The following NEGR1 variants were observed in gnomAD, a reference collection of about 807,000 sequenced individuals.
The protein encoded by NEGR1 is neuronal growth regulator 1.
A neutral mutation model predicts 40.9 loss-of-function variants in NEGR1; 10 were observed. That is an observed-to-expected ratio of 0.24 (90% CI 0.15 to 0.42). The LOEUF (loss-of-function observed/expected upper bound fraction) is 0.42. Among genes scored for constraint, NEGR1 ranks in the 10% least tolerant of loss-of-function variants. The pLI, the probability that NEGR1 is intolerant of heterozygous loss-of-function variation, is 1.00. For synonymous variants in NEGR1, 185 were observed against 166.8 expected, an observed-to-expected ratio of 1.11 and a Z score of -0.84; for missense variants, 352 against 438.9, an observed-to-expected ratio of 0.80 and a Z score of 1.77.
At chr1:72,191,690 T>C (rs1652825112) in intron 1 of NEGR1, among the ~76,000 whole-genome samples, 1 of 151,896 alleles carries the variant, frequency 6.6e-6, no homozygotes, top group Non-Finnish European at 1.5e-5. Context: ...TTTTTCACAA[T>C]GCATATCAAA....
intron 3 of NEGR1, among the ~76,000 whole-genome samples, chr1:71,758,938 A>C (rs2101696901): frequency 6.6e-6 from 1 of 152,300 alleles, no homozygotes; most frequent in South Asian, 2.1e-4. Flanking sequence ...TTATACCTCC[A>C]TTGACTATGG....
intron 6 of NEGR1, among the ~76,000 whole-genome samples, chr1:71,513,867 G>GCC (rs1162357861): frequency 6.7e-5 from 10 of 149,266 alleles, no homozygotes; most frequent in African/African-American, 2.5e-4. Flanking sequence ...GTGTGTGTGC[G>GCC]CACCGTGCGC....
At chr1:72,054,024 T>C (rs1035627395) in intron 1 of NEGR1, among the ~76,000 whole-genome samples, 1 of 151,250 alleles carries the variant, frequency 6.6e-6, no homozygotes, top group Admixed American at 6.6e-5. Context: ...GGTGAGACGA[T>C]AGGATCTAAA....
Position 72,274,438 on chromosome 1 carries a change from C to A in NEGR1, c.176+7881G>T, listed in dbSNP as rs956794215. 11 of 543,672 alleles carry A rather than the reference C, an allele frequency of 2.0e-5. No individual in the cohort carries two copies. The Admixed American group carries it at 2.8e-4, about 14-fold the overall frequency. 33.7% of individuals were successfully genotyped at this position (543,672 alleles called of 1,614,324 possible). The stretch of plus-strand genomic sequence containing the variant: ...GAACCTCAAGAGGACAGATGGCACA[C>A]AACTGTATGGATCCAGCTCTTGAGC... On this transcript the variant is annotated intron_variant, in intron 1 of 6. Transcript: ENST00000357731.
chr1:71,803,570 G>A lies in NEGR1; in HGVS notation c.410-27273C>T, dbSNP rs138759237. 3.8e-3 allele frequency among the ~76,000 whole-genome samples: 584 copies of A among 152,138 alleles called. 2 individuals carry two copies. The highest frequency in any genetic ancestry group is 0.013 in the African/African-American group (552 of 41,502). ...TCTCTGACATTTCCGTGGCTCAGGG[G>A]CTATAACTTGTGGTTTCATTTATCT... On this transcript the variant is annotated intron_variant, in intron 2 of 6. Coordinates refer to ENST00000357731, the MANE Select transcript of NEGR1 (RefSeq NM_173808.3).
chr1:71,767,376 T>C (rs930945850), intron 3 of NEGR1, among the ~76,000 whole-genome samples: 1 of 152,194 alleles, frequency 6.6e-6, no homozygotes, highest in South Asian at 2.1e-4. Context: ...CAAGGCTGTA[T>C]TGTGCCCCTG....
chr1:71,482,340 C>T (rs1349130459), intron 6 of NEGR1, among the ~76,000 whole-genome samples: 1 of 151,606 alleles, frequency 6.6e-6, no homozygotes, highest in Non-Finnish European at 1.5e-5. Flanking sequence ...TTTAACATAG[C>T]AGGCAAAAAA....
intron 4 of NEGR1, among the ~76,000 whole-genome samples, chr1:71,692,406 G>A (rs896982458): frequency 1.3e-5 from 2 of 151,494 alleles, no homozygotes; most frequent in African/African-American, 4.8e-5. Context: ...AAACACTAAG[G>A]TGATGACTAT....
At chr1:71,500,595 CAGTTATCATTACATTAAAA>C (rs1475974938) in intron 6 of NEGR1, among the ~76,000 whole-genome samples, 3 of 152,060 alleles carry the variant, frequency 2.0e-5, no homozygotes, top group African/African-American at 7.2e-5. Context: ...GATAATAGTA[CAGTTATCATTACATTAAAA>C]AGTTATCATT....
At chr1:71,597,950 GT>G (rs1252807370) in intron 5 of NEGR1, among the ~76,000 whole-genome samples, 1 of 152,022 alleles carries the variant, frequency 6.6e-6, no homozygotes, top group Non-Finnish European at 1.5e-5. Context: ...ACACAATAAT[GT>G]TTCGTGTTAC....
At chr1:71,707,183 A>T (rs1201431615) in intron 3 of NEGR1, among the ~76,000 whole-genome samples, 1 of 152,204 alleles carries the variant, frequency 6.6e-6, no homozygotes, top group South Asian at 2.1e-4. Context: ...GGGTTGGAGC[A>T]CCAAGTGGGC....
At chr1:71,703,900 G>C (rs2101634922) in intron 3 of NEGR1, among the ~76,000 whole-genome samples, 1 of 151,934 alleles carries the variant, frequency 6.6e-6, no homozygotes, top group Admixed American at 6.6e-5. Context: ...AAGGTTGAAT[G>C]GTTTCTGAAT....
chr1:71,996,026 G>A lies in NEGR1; in HGVS notation c.177-60715C>T, dbSNP rs1570590874. Among the ~76,000 whole-genome samples, 3 of 152,120 alleles carry A rather than the reference G, an allele frequency of 2.0e-5. No homozygotes were observed. The East Asian group carries it at 5.8e-4, about 29-fold the overall frequency. On this transcript the variant is annotated intron_variant, in intron 1 of 6. Transcript: ENST00000357731. ...GTTAACTCTGAAATTACAAAAAGAGGAATAAGCATTAACTTGTTGAAAAAA... is the reference window on the plus strand; with the variant it reads ...GTTAACTCTGAAATTACAAAAAGAGAAATAAGCATTAACTTGTTGAAAAAA...
At chr1:72,063,248 C>T (rs370893016) in intron 1 of NEGR1, among the ~76,000 whole-genome samples, 41 of 151,936 alleles carry the variant, frequency 2.7e-4, no homozygotes, top group African/African-American at 8.9e-4. Flanking sequence ...TTCTAATCCT[C>T]TAAATTTCCT....
rs146386120 is a variant in NEGR1, at chr1:72,275,244, T to C, written c.176+7075A>G. 7.1e-4 allele frequency: 409 copies of C among 573,038 alleles called. 2 individuals carry two copies. The East Asian group carries it at 0.01, about 14-fold the overall frequency. The allele number at this position is 573,038 out of a possible 1,614,324, so 35.5% of individuals were successfully genotyped here. On this transcript the variant is annotated intron_variant, in intron 1 of 6. Coordinates refer to ENST00000357731, the MANE Select transcript of NEGR1 (RefSeq NM_173808.3). ...AATTTCTATTATTTATTCATAATGA[T>C]CTTAAAAGTTATACCACATTTTTTT... is the stretch of plus-strand genomic sequence containing the variant.
chr1:72,092,931 C>T (rs572793650), intron 1 of NEGR1, among the ~76,000 whole-genome samples: 13 of 152,212 alleles, frequency 8.5e-5, no homozygotes, highest in African/African-American at 1.4e-4. Flanking sequence ...GGATTAGAAG[C>T]GTGAGCCACT....
At chr1:71,615,073 G>A (rs560119523) in intron 4 of NEGR1, among the ~76,000 whole-genome samples, 3 of 152,254 alleles carry the variant, frequency 2.0e-5, no homozygotes, top group East Asian at 3.9e-4. Context: ...GTGGAGAGAA[G>A]ATTCTCATGA....
At chr1:72,263,554 A>G (rs1655533939) in intron 1 of NEGR1, among the ~76,000 whole-genome samples, 1 of 151,670 alleles carries the variant, frequency 6.6e-6, no homozygotes, top group African/African-American at 2.4e-5. Flanking sequence ...AGTGAATAAA[A>G]TCTGCTGTTA....
At position 72,282,375 on chromosome 1, in the gene NEGR1, G is replaced by A; in HGVS notation, c.120C>T (p.Phe40=). 1.9e-6 allele frequency: 3 copies of A among 1,613,950 alleles called. No individual in the cohort carries two copies. Among genetic ancestry groups the A allele is most frequent in the East Asian group, 2.2e-5 (1 of 44,828 alleles). Residue 40 remains phenylalanine, a synonymous_variant, in exon 1 of 7, where the codon TTC becomes TTT. Coordinates refer to ENST00000357731, the MANE Select transcript of NEGR1 (RefSeq NM_173808.3). Reference sequence around the variant, plus strand: ...TCATGTTGTCCACGGCCGCCCAGGGGAAGTCCACACTCTGTCCAGCCGGGA... The same window carrying A: ...TCATGTTGTCCACGGCCGCCCAGGGAAAGTCCACACTCTGTCCAGCCGGGA... ...SCLPAGQSVD[F]PWAAVDNMMV...
Sources: allele counts gnomAD v4.1 joint callset (sites outside exome capture counted in the v4.1 genomes callset), GRCh38; gene constraint gnomAD v4.1.1; transcripts MANE v1.5; gene names NCBI Gene and HGNC (gene_info 2026-07-23, HGNC 2026-07-21).